CEP290: variants seen among roughly 807,000 people sequenced by gnomAD.
The protein encoded by CEP290 is centrosomal protein 290.
In CEP290, 317 loss-of-function variants were observed where a neutral mutation model predicts 344.9. That is an observed-to-expected ratio of 0.92 (90% CI 0.84 to 1.01). The LOEUF (loss-of-function observed/expected upper bound fraction) is 1.01. Among genes scored for constraint, CEP290 ranks in the 50% least tolerant of loss-of-function variants. CEP290 has a pLI of 0.00. For synonymous variants in CEP290, 932 were observed against 895.8 expected (o/e 1.04, Z -0.72); for missense variants, 2,754 against 2,761.4 (o/e 1.00, Z 0.06).
rs1159883105 is a variant in CEP290 at position 88,060,973 on chromosome 12, T to C, written c.6379A>G (p.Ile2127Val). Residue 2127 changes from isoleucine (I) to valine (V), a missense_variant, in exon 47 of 54, where the codon ATC becomes GTC. Ile to Val is a conservative substitution (Grantham distance 29). Coordinates refer to ENST00000552810, the MANE Select transcript of CEP290 (RefSeq NM_025114.4). ...CCAATGGTTTTTTCCAGTTCTGGGA[T>C]TGTCTTTCCACTTCTACCAGACTAC... ...VRGSGRSGKT[I>V]PELEKTIGLM... 13 of 1,560,560 alleles carry C rather than the reference T, an allele frequency of 8.3e-6. No individual in the cohort carries two copies. The highest frequency in any genetic ancestry group is 1.1e-5 in the Non-Finnish European group (13 of 1,152,062).
intron 49 of CEP290, among the ~76,000 whole-genome samples, chr12:88,057,107 C>T: frequency 6.6e-6 from 1 of 152,154 alleles, no homozygotes; most frequent in Non-Finnish European, 1.5e-5. Flanking sequence ...GGTTAAATAT[C>T]ATCATCACCT....
At position 88,089,199 on chromosome 12, in the gene CEP290, T is replaced by C. The variant is rs374030998; in HGVS notation, c.3862A>G (p.Lys1288Glu). 2.5e-6 allele frequency: 4 copies of C among 1,613,150 alleles called. No individual in the cohort carries two copies. The highest frequency in any genetic ancestry group is 1.3e-5 in the African/African-American group (1 of 74,900). Residue 1288 changes from lysine (K) to glutamate (E), a missense_variant, in exon 31 of 54, where the codon AAA becomes GAA. Lys to Glu is a moderately conservative substitution (Grantham distance 56). Coordinates refer to ENST00000552810, the MANE Select transcript of CEP290 (RefSeq NM_025114.4). Reference sequence around the variant, plus strand: ...TCATTTTGTAGTTGAATCATTGTTTTGGAGAACTTTTCCTGTTGTGCCAAG... The same window carrying C: ...TCATTTTGTAGTTGAATCATTGTTTCGGAGAACTTTTCCTGTTGTGCCAAG... ...LPLAQQEKFS[K>E]TMIQLQNDKL...
chr12:88,094,671 G>C (rs1021864001), intron 27 of CEP290, among the ~76,000 whole-genome samples: 4 of 31,192 alleles, frequency 1.3e-4, no homozygotes, highest in African/African-American at 2.1e-4. Flanking sequence ...GTCATTTTTT[G>C]AGGGGGGGGG....
chr12:88,052,326 CTAAA>C (rs1024005850), intron 52 of CEP290, among the ~76,000 whole-genome samples: 21 of 152,088 alleles, frequency 1.4e-4, no homozygotes, highest in African/African-American at 3.6e-4. Flanking sequence ...TGGAAGCAAA[CTAAA>C]TATCCATCAA....
intron 43 of CEP290, among the ~76,000 whole-genome samples, chr12:88,069,432 A>G (rs1312170040): frequency 6.6e-6 from 1 of 152,232 alleles, no homozygotes; most frequent in East Asian, 1.9e-4. Flanking sequence ...TTTCAAAACT[A>G]AAAGTTGATC....
intron 47 of CEP290, among the ~76,000 whole-genome samples, chr12:88,060,604 C>CA (rs1356498781): frequency 3.3e-5 from 5 of 151,866 alleles, no homozygotes; most frequent in African/African-American, 1.2e-4. Context: ...TCTATGCTGT[C>CA]AGAGAGAAAA....
rs550363143 is a variant in CEP290 at position 88,093,715 on chromosome 12, T to C, written c.3309+55A>G. 29 of 1,337,396 alleles carry C rather than the reference T, an allele frequency of 2.2e-5. No individual in the cohort carries two copies. The African/African-American group carries it at 4.2e-4, about 19-fold the overall frequency. 82.8% of individuals were successfully genotyped at this position (1,337,396 alleles called of 1,614,324 possible). A position where few individuals can be genotyped will look rare whatever the true frequency, so the allele number is the denominator to read the frequency against. On this transcript the variant is annotated intron_variant, in intron 28 of 53. Transcript: ENST00000552810. Reference sequence around the variant, plus strand: ...AACCACTTAACAATAATACAATGTCTACCAAAACTAATTCTTTATTCTATA... The same window carrying C: ...AACCACTTAACAATAATACAATGTCCACCAAAACTAATTCTTTATTCTATA...
intron 3 of CEP290, among the ~76,000 whole-genome samples, chr12:88,140,648 T>C (rs2040595838): frequency 6.6e-6 from 1 of 152,188 alleles, no homozygotes; most frequent in Non-Finnish European, 1.5e-5. Flanking sequence ...CTTAAATCAT[T>C]TCCCCTCTTA....
Position 88,083,095 on chromosome 12 carries a change from C to G in CEP290, c.4948G>C (p.Asp1650His). Residue 1650 changes from aspartate (D) to histidine (H), a missense_variant, in exon 37 of 54, where the codon GAT (aspartate) becomes CAT (histidine). Physicochemically the swap from Asp to His is moderately conservative, Grantham distance 81 (BLOSUM62 -1). Transcript: ENST00000552810. ...LLVKLKKVSQ[D>H]LERQREITEL... ...GTGATTTCTCTTTGTCTCTCCAAAT[C>G]TTGTGATACTTTCTTTAGTTTGACC... The G allele has an allele frequency of 6.5e-7, 1 of 1,535,244 alleles. No individual in the cohort carries two copies. The highest frequency in any genetic ancestry group is 8.8e-7 in the Non-Finnish European group (1 of 1,140,096).
At position 88,125,335 on chromosome 12, in the gene CEP290, A is replaced by T; in HGVS notation, c.1100T>A (p.Leu367His). 1 of 1,322,486 alleles carries T rather than the reference A, an allele frequency of 7.6e-7. No homozygotes were observed. Among genetic ancestry groups the T allele is most frequent in the Non-Finnish European group, 9.9e-7 (1 of 1,007,844 alleles). 81.9% of individuals were successfully genotyped at this position (1,322,486 alleles called of 1,614,324 possible). A position where few individuals can be genotyped will look rare whatever the true frequency, so the allele number is the denominator to read the frequency against. ...TGTATATTGTTCTACTTGTTCGGTG[A>T]GCATCTTAATTTGACTGTCTCGTTC... ...IQERDSQIKM[L>H]TEQVEQYTKE... is the part of the protein sequence containing the mutation. Residue 367 changes from leucine to histidine, a missense_variant, in exon 13 of 54, where the codon CTC becomes CAC. Leu to His is a moderately conservative substitution (Grantham distance 99, BLOSUM62 -3). Transcript: ENST00000552810.
At chr12:88,072,154 A>G (rs146256024) in intron 41 of CEP290, among the ~76,000 whole-genome samples, 96 of 152,294 alleles carry the variant, frequency 6.3e-4, no homozygotes, top group Non-Finnish European at 9.4e-4. Context: ...ATATTTGCAT[A>G]TACATAATGA....
intron 25 of CEP290, among the ~76,000 whole-genome samples, chr12:88,105,658 G>A (rs1247808745): frequency 1.3e-5 from 2 of 152,190 alleles, no homozygotes; most frequent in Non-Finnish European, 1.5e-5. Context: ...TTTGTTATTT[G>A]TATGGTACCA....
rs541168453 is a variant in CEP290 at position 88,083,532 on chromosome 12, A to G, written c.4813-302T>C. Among the ~76,000 whole-genome samples the G allele has an allele frequency of 5.3e-5, 8 of 152,326 alleles. No homozygotes were observed. In the East Asian group the frequency reaches 1.2e-3, roughly 22 times the overall value. ...ATGAAAGACATGTCATTTCATACAT[A>G]TGGAACAGAATGGTCAAAAGAGGCA... On this transcript the variant is annotated intron_variant, in intron 36 of 53. Coordinates refer to ENST00000552810, the MANE Select transcript of CEP290 (RefSeq NM_025114.4).
At chr12:88,094,044 C>G (rs2037250340) in intron 27 of CEP290, 69 bp from the exon 28 acceptor site, 4 of 1,185,516 alleles carry the variant, frequency 3.4e-6, no homozygotes. Context: ...ATTTTAGATG[C>G]TGTATATTAG....
intron 34 of CEP290, 127 bp downstream of exon 34, chr12:88,085,912 A>G: frequency 1.2e-6 from 1 of 856,020 alleles, no homozygotes; most frequent in Non-Finnish European, 1.7e-6. Context: ...ATAGGAGAAT[A>G]GAAAAATAGT....
At chr12:88,106,633 AT>A (rs1316270309) in intron 25 of CEP290, 41 bp downstream of exon 25, 13 of 1,365,178 alleles carry the variant, frequency 9.5e-6, no homozygotes, top group Non-Finnish European at 1.2e-5. Context: ...CATATTTGAA[AT>A]TTTTCATAGT....
At chr12:88,051,484 G>A (rs190077416) in intron 52 of CEP290, among the ~76,000 whole-genome samples, 8 of 152,206 alleles carry the variant, frequency 5.3e-5, no homozygotes, top group Admixed American at 4.6e-4. Flanking sequence ...CAGGTGTGGT[G>A]TGCTACTGTA....
At chr12:88,073,599 T>TAAAGGGAATGTTGAATCTG (rs1196699180) in intron 41 of CEP290, among the ~76,000 whole-genome samples, 1 of 152,130 alleles carries the variant, frequency 6.6e-6, no homozygotes, top group African/African-American at 2.4e-5. Flanking sequence ...TATTTTTTAT[T>TAAAGGGAATGTTGAATCTG]AAAGGGAATG....
Position 88,054,369 on chromosome 12 carries a change from T to C in CEP290, c.7005A>G (p.Gln2335=), listed in dbSNP as rs1592722143. ...KHVPEGAETE[Q]GLKRELQVLR... ...GAACTTGAAGCTCCCGTTTAAGGCC[T>C]TGCTCTGTCTCAGCACCTTCAGGAA... The change falls in exon 51 of 54, where the codon CAA becomes CAG. Residue 2335 remains glutamine (Q), a synonymous_variant. Coordinates refer to ENST00000552810, the MANE Select transcript of CEP290 (RefSeq NM_025114.4). 1 of 1,611,364 alleles carries C rather than the reference T, an allele frequency of 6.2e-7. No homozygotes were observed. The highest frequency in any genetic ancestry group is 8.5e-7 in the Non-Finnish European group (1 of 1,178,662).
Sources: gnomAD v4.1 joint callset for allele counts (sites outside exome capture counted in the v4.1 genomes callset) on GRCh38, gnomAD v4.1.1 for gene constraint, MANE v1.5 for transcripts, NCBI Gene and HGNC (gene_info 2026-07-23, HGNC 2026-07-21) for gene names.